Variants in MORN1 observed in about 807,000 individuals in gnomAD.
The protein encoded by MORN1 is MORN repeat-containing protein 1.
Under a neutral mutation model 61.9 loss-of-function variants are expected in MORN1, and 67 were observed. That is an observed-to-expected ratio of 1.08 (90% CI 0.89 to 1.33). MORN1 has a LOEUF of 1.33. Among genes scored for constraint, MORN1 ranks in the 40% most tolerant of loss-of-function variants. The pLI is 0.00. For missense variants in MORN1, 752 were observed against 691.2 expected (o/e 1.09, Z -0.99); for synonymous variants, 301 against 292.0 (o/e 1.03, Z -0.31).
intron 5 of MORN1, 104 bp from the exon 6 acceptor site, chr1:2,385,169 G>A (rs578163266): frequency 2.4e-6 from 3 of 1,240,614 alleles, no homozygotes; most frequent in African/African-American, 1.5e-5. Flanking sequence ...CTGCGGGACC[G>A]AGGCAAAAAT....
At chr1:2,387,668 T>C in intron 3 of MORN1, 139 bp from the exon 4 acceptor site, 1 of 651,530 alleles carries the variant, frequency 1.5e-6, no homozygotes. Context: ...TACTACTCAG[T>C]CTGCTTCATG....
At chr1:2,335,342 C>G (rs914868800) in intron 12 of MORN1, among the ~76,000 whole-genome samples, 3 of 152,194 alleles carry the variant, frequency 2.0e-5, no homozygotes, top group Admixed American at 6.5e-5. Context: ...CAGGAGGCGG[C>G]CCCGGCACAC....
intron 10 of MORN1, chr1:2,351,686 T>C: frequency 2.3e-6 from 1 of 435,376 alleles, no homozygotes; most frequent in Non-Finnish European, 4.5e-6. Context: ...CACGTGCTGG[T>C]TGCTTCGCAT....
intron 6 of MORN1, among the ~76,000 whole-genome samples, chr1:2,380,949 G>C (rs1245399223): frequency 6.6e-6 from 1 of 152,240 alleles, no homozygotes; most frequent in Non-Finnish European, 1.5e-5. Flanking sequence ...GGGATGTGCG[G>C]CCTGACCCCC....
At position 2,383,267 on chromosome 1, in the gene MORN1, T is replaced by C. The variant is rs72923106; in HGVS notation, c.537+1711A>G. 5.5e-3 allele frequency among the ~76,000 whole-genome samples: 842 copies of C among 152,336 alleles called. 6 individuals are homozygous for C. Among genetic ancestry groups the C allele is most frequent in the African/African-American group, 0.019 (788 of 41,584 alleles). On this transcript the variant is annotated intron_variant, in intron 6 of 13. Coordinates refer to ENST00000378531, the MANE Select transcript of MORN1 (RefSeq NM_024848.3). ...GAGGTAGTGTTTCTACTTTAACTCCTATGGCCAGGGCCAGTGGCCTGTGGA... is the reference window on the plus strand; with the variant it reads ...GAGGTAGTGTTTCTACTTTAACTCCCATGGCCAGGGCCAGTGGCCTGTGGA...
chr1:2,367,310 A>G (rs1386443129), intron 8 of MORN1, among the ~76,000 whole-genome samples: 3 of 144,820 alleles, frequency 2.1e-5, no homozygotes, highest in Admixed American at 1.4e-4. Context: ...CTCTATCAAA[A>G]AAAAAAAAAA....
chr1:2,323,769 C>G (rs1640935405), intron 13 of MORN1: 1 of 985,232 alleles, frequency 1.0e-6, no homozygotes, highest in Non-Finnish European at 1.2e-6. Context: ...TTGACAGCTC[C>G]CCTCGGCTCC....
chr1:2,338,393 CG>C (rs1569939686), intron 10 of MORN1, among the ~76,000 whole-genome samples: 1 of 152,194 alleles, frequency 6.6e-6, no homozygotes, highest in African/African-American at 2.4e-5. Flanking sequence ...GCACTGCTGA[CG>C]GCATAATTTC....
At chr1:2,341,422 G>C (rs540748375) in intron 10 of MORN1, among the ~76,000 whole-genome samples, 2 of 152,192 alleles carry the variant, frequency 1.3e-5, no homozygotes, top group African/African-American at 4.8e-5. Context: ...GGGGCCGGGC[G>C]TGGTGGCTCA....
chr1:2,325,960 G>A (rs1396722109), intron 12 of MORN1, among the ~76,000 whole-genome samples: 1 of 152,106 alleles, frequency 6.6e-6, no homozygotes, highest in Non-Finnish European at 1.5e-5. Context: ...CAGGTGTGCC[G>A]GGCTGGGCTG....
At chr1:2,368,958 G>A (rs1181285689) in intron 8 of MORN1, among the ~76,000 whole-genome samples, 4 of 152,004 alleles carry the variant, frequency 2.6e-5, no homozygotes, top group Non-Finnish European at 4.4e-5. Context: ...TTGGGAGGCT[G>A]AGGCAGGAGA....
intron 6 of MORN1, among the ~76,000 whole-genome samples, chr1:2,382,106 G>A (rs1570041124): frequency 6.6e-6 from 1 of 152,336 alleles, no homozygotes. Context: ...GGGCTAGGCT[G>A]GGAGTGGGGG....
At chr1:2,385,670 G>A (rs1189255777) in intron 5 of MORN1, 137 bp downstream of exon 5, 3 of 706,594 alleles carry the variant, frequency 4.2e-6, no homozygotes, top group Non-Finnish European at 7.4e-6. Context: ...CTGGGGGGGT[G>A]GCGGGTAGAC....
intron 12 of MORN1, chr1:2,332,862 G>A (rs1273605087): frequency 3.4e-5 from 13 of 383,848 alleles, no homozygotes; most frequent in Non-Finnish European, 5.7e-5. Flanking sequence ...CCCCCAGGCT[G>A]CGCCTCGAGG....
intron 12 of MORN1, among the ~76,000 whole-genome samples, chr1:2,329,242 G>A (rs985880954): frequency 2.6e-5 from 4 of 152,206 alleles, no homozygotes; most frequent in South Asian, 2.1e-4. Context: ...CGCTGGGCAC[G>A]TCTGCAGGCC....
intron 7 of MORN1, among the ~76,000 whole-genome samples, chr1:2,373,747 C>T (rs1642174758): frequency 6.6e-6 from 1 of 152,204 alleles, no homozygotes. Context: ...AAGATCTCAG[C>T]CTCCACGAGG....
Position 2,329,224 on chromosome 1 carries a change from CCGCTGAG to C in MORN1, c.1251-5088_1251-5082del, listed in dbSNP as rs58828180. Reference sequence around the variant, plus strand: ...GCTGTGGGGTTATCATTCCACATCCCCGCTGAGCGCTGGGCACGTCTGCAGGCCCAGC... The same window carrying C: ...GCTGTGGGGTTATCATTCCACATCCCCGCTGGGCACGTCTGCAGGCCCAGC... On this transcript the variant is annotated intron_variant, in intron 12 of 13. Transcript: ENST00000378531. Among the ~76,000 whole-genome samples, 574 of 152,340 alleles carry C rather than the reference CCGCTGAG, an allele frequency of 3.8e-3. 5 individuals are homozygous for C. The highest frequency in any genetic ancestry group is 0.012 in the African/African-American group (516 of 41,590).
chr1:2,375,896 C>T (rs1642222651), intron 6 of MORN1: 1 of 152,416 alleles, frequency 6.6e-6, no homozygotes, highest in Non-Finnish European at 1.5e-5. Context: ...CCCCATCGGC[C>T]TAGACAGTTG....
Position 2,324,086 on chromosome 1 carries a change from T to C in MORN1, c.1297+11A>G, listed in dbSNP as rs909246490. On this transcript the variant is annotated intron_variant, in intron 13 of 13. Transcript: ENST00000378531. ...CACAGCCGGCGATGGACTTGGGCCC[T>C]GTCCACCTACCTAGGTGTGCTGCCG... The C allele has an allele frequency of 1.2e-5, 19 of 1,594,306 alleles. No individual in the cohort carries two copies. Among genetic ancestry groups the C allele is most frequent in the East Asian group, 2.3e-5 (1 of 44,136 alleles).
Sources: allele counts gnomAD v4.1 joint callset (sites outside exome capture counted in the v4.1 genomes callset), GRCh38; gene constraint gnomAD v4.1.1; transcripts MANE v1.5; gene names NCBI Gene and HGNC (gene_info 2026-07-23, HGNC 2026-07-21).